The following NKAIN2 variants were observed in gnomAD, a reference collection of about 807,000 sequenced individuals.
The protein encoded by NKAIN2 is sodium/potassium transporting ATPase interacting 2, also known as sodium/potassium-transporting ATPase subunit beta-1-interacting protein 2.
Under a neutral mutation model 32.6 loss-of-function variants are expected in NKAIN2, and 14 were observed. The ratio of observed to expected loss-of-function variants is 0.43; its 90% CI spans 0.28 to 0.67. The LOEUF is 0.67. NKAIN2 is among the 30% of genes least tolerant of loss of function. The pLI is 0.17. For missense variants in NKAIN2, 198 were observed against 258.3 expected (o/e 0.77, Z 1.60); for synonymous variants, 80 against 87.2 (o/e 0.92, Z 0.46).
intron 3 of NKAIN2, among the ~76,000 whole-genome samples, chr6:124,462,042 A>G (rs1776552689): frequency 6.6e-6 from 1 of 152,054 alleles, no homozygotes; most frequent in African/African-American, 2.4e-5. Flanking sequence ...GGACTAACAC[A>G]TAATATTTCA....
intron 4 of NKAIN2, among the ~76,000 whole-genome samples, chr6:124,727,487 CTT>C (rs1162557205): frequency 6.7e-6 from 1 of 150,000 alleles, no homozygotes; most frequent in African/African-American, 2.4e-5. Flanking sequence ...AAATAAAATA[CTT>C]TACAGACAAG....
intron 2 of NKAIN2, among the ~76,000 whole-genome samples, chr6:124,299,021 G>T (rs1471485413): frequency 2.6e-5 from 4 of 152,176 alleles, no homozygotes; most frequent in African/African-American, 9.7e-5. Flanking sequence ...AATGTTTTTA[G>T]ATCAAATTGA....
At chr6:124,819,127 T>C in intron 6 of NKAIN2, 1 of 974,768 alleles carries the variant, frequency 1.0e-6, no homozygotes, top group Non-Finnish European at 1.2e-6. Flanking sequence ...ATTCTATATA[T>C]CAGCATCAAG....
At chr6:124,122,826 C>T (rs1030948272) in intron 1 of NKAIN2, among the ~76,000 whole-genome samples, 1 of 151,872 alleles carries the variant, frequency 6.6e-6, no homozygotes, top group Admixed American at 6.6e-5. Context: ...TATTCTCTTC[C>T]CCCAAAGTAT....
At chr6:123,916,008 A>G (rs1023953236) in intron 1 of NKAIN2, among the ~76,000 whole-genome samples, 9 of 152,136 alleles carry the variant, frequency 5.9e-5, no homozygotes, top group African/African-American at 2.2e-4. Flanking sequence ...CTTGAGGCTT[A>G]ATTTCCCAAA....
At chr6:124,120,515 T>A (rs1785828719) in intron 1 of NKAIN2, among the ~76,000 whole-genome samples, 1 of 152,168 alleles carries the variant, frequency 6.6e-6, no homozygotes, top group Non-Finnish European at 1.5e-5. Context: ...GTCTTATCCC[T>A]CTTCCATAAA....
chr6:124,426,417 A>C (rs190399505), intron 3 of NKAIN2, among the ~76,000 whole-genome samples: 99 of 152,332 alleles, frequency 6.5e-4, no homozygotes, highest in Non-Finnish European at 1.2e-3. Flanking sequence ...AGGAGAAAAT[A>C]TTTTCCAATC....
chr6:124,187,687 C>G (rs557549496), intron 1 of NKAIN2, among the ~76,000 whole-genome samples: 1 of 152,018 alleles, frequency 6.6e-6, no homozygotes, highest in African/African-American at 2.4e-5. Flanking sequence ...ATTGCCTGAC[C>G]CTCATCCTTT....
At chr6:124,233,438 T>C (rs1792567412) in intron 1 of NKAIN2, among the ~76,000 whole-genome samples, 1 of 152,194 alleles carries the variant, frequency 6.6e-6, no homozygotes, top group East Asian at 1.9e-4. Context: ...TGGTGAGCCC[T>C]GATGGTGACA....
At chr6:124,318,933 T>C (rs1454705056) in intron 2 of NKAIN2, among the ~76,000 whole-genome samples, 2 of 152,118 alleles carry the variant, frequency 1.3e-5, no homozygotes, top group Non-Finnish European at 2.9e-5. Context: ...TTTCTCCCTT[T>C]AGAATTTATT....
chr6:124,363,659 A>G (rs1799392038), intron 3 of NKAIN2, among the ~76,000 whole-genome samples: 1 of 152,220 alleles, frequency 6.6e-6, no homozygotes, highest in Admixed American at 6.5e-5. Context: ...AGAACAAGCC[A>G]GGGGCAAACC....
intron 1 of NKAIN2, among the ~76,000 whole-genome samples, chr6:124,074,502 C>G (rs1237641711): frequency 6.6e-6 from 1 of 152,152 alleles, no homozygotes; most frequent in Non-Finnish European, 1.5e-5. Context: ...CTGTGTATAT[C>G]TGCACCTTTG....
At chr6:123,937,694 AGC>A (rs1776584707) in intron 1 of NKAIN2, among the ~76,000 whole-genome samples, 1 of 152,052 alleles carries the variant, frequency 6.6e-6, no homozygotes, top group South Asian at 2.1e-4. Context: ...TGCAGTGGTA[AGC>A]TCTGCTAATT....
chr6:123,984,354 G>C (rs1779038342), intron 1 of NKAIN2, among the ~76,000 whole-genome samples: 1 of 151,930 alleles, frequency 6.6e-6, no homozygotes, highest in Admixed American at 6.5e-5. Context: ...GGATATCCAA[G>C]GCTTTGAAAA....
At chr6:124,507,152 G>T (rs1309333165) in intron 3 of NKAIN2, among the ~76,000 whole-genome samples, 1 of 152,174 alleles carries the variant, frequency 6.6e-6, no homozygotes, top group Admixed American at 6.5e-5. Context: ...ACTTTGGGAA[G>T]GTTTTACTGA....
intron 1 of NKAIN2, among the ~76,000 whole-genome samples, chr6:123,898,013 C>T (rs1433384547): frequency 6.6e-6 from 1 of 152,212 alleles, no homozygotes; most frequent in African/African-American, 2.4e-5. Context: ...TTTTCAGAGA[C>T]TTCTTACTGC....
At chr6:124,015,803 C>A (rs1341087904) in intron 1 of NKAIN2, among the ~76,000 whole-genome samples, 2 of 152,148 alleles carry the variant, frequency 1.3e-5, no homozygotes, top group African/African-American at 4.8e-5. Context: ...TCCCTCTCCT[C>A]CTAAGAAAGT....
At chr6:124,697,629 G>C (rs2114557633) in intron 4 of NKAIN2, among the ~76,000 whole-genome samples, 1 of 152,220 alleles carries the variant, frequency 6.6e-6, no homozygotes, top group South Asian at 2.1e-4. Flanking sequence ...AATAAGTGTA[G>C]GTTAATAGGC....
At chr6:124,687,176 T>G (rs1343758321) in intron 4 of NKAIN2, among the ~76,000 whole-genome samples, 3 of 147,696 alleles carry the variant, frequency 2.0e-5, no homozygotes, top group South Asian at 2.1e-4. Flanking sequence ...CTATATATAT[T>G]CCATATACAT....
Sources: allele counts gnomAD v4.1 joint callset (sites outside exome capture counted in the v4.1 genomes callset), GRCh38; gene constraint gnomAD v4.1.1; transcripts MANE v1.5; gene names NCBI Gene and HGNC (gene_info 2026-07-23, HGNC 2026-07-21).